Variants in ZNF254 observed in about 807,000 individuals in gnomAD.
ZNF254 encodes zinc finger protein 254.
ZNF254 carries 10 observed loss-of-function variants against 12.4 expected under a neutral mutation model. The observed-to-expected ratio is 0.80, with a 90% CI of 0.50 to 1.36. The LOEUF (loss-of-function observed/expected upper bound fraction) is 1.36, where lower values mean the gene tolerates loss of function less well. ZNF254 is among the 40% of genes most tolerant of loss of function. The pLI is 0.00. For synonymous variants in ZNF254, 305 were observed against 253.4 expected (o/e 1.20, Z -1.93); for missense variants, 996 against 763.9 (o/e 1.30, Z -3.58).
At chr19:24,091,377 C>T (rs1972375037) in intron 1 of ZNF254, among the ~76,000 whole-genome samples, 5 of 151,420 alleles carry the variant, frequency 3.3e-5, no homozygotes, top group Non-Finnish European at 1.5e-5. Flanking sequence ...TTCCACAAAA[C>T]AATGTGATAG....
intron 1 of ZNF254, among the ~76,000 whole-genome samples, chr19:24,103,360 C>T (rs913569808): frequency 1.3e-5 from 2 of 152,188 alleles, no homozygotes; most frequent in African/African-American, 2.4e-5. Flanking sequence ...CATTTCCAAA[C>T]CTGCAGAATC....
chr19:24,060,638 A>T (rs1404649117), intron 2 of ZNF254, among the ~76,000 whole-genome samples: 1 of 152,150 alleles, frequency 6.6e-6, no homozygotes, highest in Non-Finnish European at 1.5e-5. Flanking sequence ...AGAGTGACTT[A>T]TACTAGGATC....
At chr19:24,124,168 A>G (rs984977451) in intron 3 of ZNF254, among the ~76,000 whole-genome samples, 2 of 152,086 alleles carry the variant, frequency 1.3e-5, no homozygotes, top group Admixed American at 6.5e-5. Context: ...TGGGGATTAC[A>G]TATAACCTCT....
At chr19:24,120,826 C>A (rs1036007363) in intron 3 of ZNF254, among the ~76,000 whole-genome samples, 1 of 151,954 alleles carries the variant, frequency 6.6e-6, no homozygotes, top group African/African-American at 2.4e-5. Flanking sequence ...CCATGCCTGG[C>A]TAATTTTGTT....
intron 3 of ZNF254, among the ~76,000 whole-genome samples, chr19:24,121,326 C>T (rs1378072475): frequency 6.6e-6 from 1 of 151,710 alleles, no homozygotes; most frequent in African/African-American, 2.4e-5. Flanking sequence ...TTTTACATTC[C>T]ATGTTTTAAT....
chr19:24,084,566 A>ATAC, upstream of ZNF254, among the ~76,000 whole-genome samples: 1 of 152,222 alleles, frequency 6.6e-6, no homozygotes, highest in Admixed American at 6.5e-5. Flanking sequence ...AATAATAATA[A>ATAC]TAATAAACAA....
chr19:24,056,066 T>C (rs553372242), intron 2 of ZNF254, among the ~76,000 whole-genome samples: 143 of 152,122 alleles, frequency 9.4e-4, no homozygotes, highest in African/African-American at 3.3e-3. Flanking sequence ...TGAGGGGATG[T>C]GATTCTATTT....
chr19:24,065,943 T>C (rs1274376439), intron 2 of ZNF254: 8 of 152,142 alleles, frequency 5.3e-5, no homozygotes, highest in African/African-American at 1.9e-4. Flanking sequence ...TACTCTCTTC[T>C]CCTGCCTGAT....
chr19:24,038,251 G>A (rs1970036955), intron 1 of ZNF254, among the ~76,000 whole-genome samples: 2 of 152,064 alleles, frequency 1.3e-5, no homozygotes, highest in Non-Finnish European at 2.9e-5. Flanking sequence ...GCACAGTCCT[G>A]GTTCCAAGTT....
At chr19:24,108,207 C>G (rs1174999450) in intron 3 of ZNF254, among the ~76,000 whole-genome samples, 3 of 152,108 alleles carry the variant, frequency 2.0e-5, no homozygotes, top group Non-Finnish European at 2.9e-5. Context: ...CAGTAAAGGT[C>G]AAGGTCTGCA....
At chr19:24,121,287 T>C (rs1974464129) in intron 3 of ZNF254, among the ~76,000 whole-genome samples, 1 of 152,214 alleles carries the variant, frequency 6.6e-6, no homozygotes, top group South Asian at 2.1e-4. Flanking sequence ...TTAATGAATA[T>C]ATTGATCTAC....
intron 3 of ZNF254, among the ~76,000 whole-genome samples, chr19:24,116,316 G>A (rs10415748): frequency 0.14 from 21,815 of 152,004 alleles, 2,572 homozygotes; most frequent in African/African-American, 0.32. Context: ...CATTCTCTCC[G>A]TCACTTTCAG....
At chr19:24,086,712 T>C (rs1972053909), upstream of ZNF254, among the ~76,000 whole-genome samples, 2 of 152,026 alleles carry the variant, frequency 1.3e-5, no homozygotes, top group Admixed American at 1.3e-4. Context: ...CATGACCTAA[T>C]GTGATCCGCC....
chr19:24,048,003 C>CTTTTTTTTTTTTTTTTTTT lies in ZNF254; in HGVS notation c.-94+1729_-94+1747dup, dbSNP rs398034320. ...CACCCGGCTCTTTTTTTCTTTTCTT[C>CTTTTTTTTTTTTTTTTTTT]TTTTTTTTTTTTTTTTTTTTTTTGC... On this transcript the variant is annotated intron_variant, in intron 2 of 4. Coordinates refer to the ZNF254 transcript ENST00000613065. 1.7e-3 allele frequency among the ~76,000 whole-genome samples: 119 copies of CTTTTTTTTTTTTTTTTTTT among 68,806 alleles called. 6 individuals carry two copies. Among genetic ancestry groups the CTTTTTTTTTTTTTTTTTTT allele is most frequent in the African/African-American group, 2.1e-3 (34 of 16,272 alleles). 45.1% of individuals were successfully genotyped at this position (68,806 alleles called of 152,430 possible). A position where few individuals can be genotyped will look rare whatever the true frequency, so the allele number is the denominator to read the frequency against.
chr19:24,071,712 T>C (rs1291233425), intron 2 of ZNF254, among the ~76,000 whole-genome samples: 1 of 152,146 alleles, frequency 6.6e-6, no homozygotes, highest in Non-Finnish European at 1.5e-5. Flanking sequence ...ACATCTCTTC[T>C]AATGCTTGGG....
chr19:24,127,768 A>G lies in ZNF254; in HGVS notation c.1768A>G (p.Thr590Ala), dbSNP rs1041960936. Residue 590 changes from threonine (T) to alanine (A), a missense_variant, in exon 4 of 4, where the codon ACT becomes GCT. Thr to Ala is a moderately conservative substitution (Grantham distance 58). Transcript: ENST00000357002. ...ATCTTTTAACCGGTCTTCAACTTTT[A>G]CTAAACATAAGGTAATTCATACTGG... ...GKSFNRSSTF[T>A]KHKVIHTGVK... The G allele has an allele frequency of 6.2e-7, 1 of 1,612,478 alleles. No individual in the cohort carries two copies. Among genetic ancestry groups the G allele is most frequent in the Non-Finnish European group, 8.5e-7 (1 of 1,179,464 alleles).
intron 1 of ZNF254, among the ~76,000 whole-genome samples, chr19:24,094,139 C>T (rs575422162): frequency 1.6e-4 from 25 of 152,066 alleles, no homozygotes; most frequent in African/African-American, 6.0e-4. Flanking sequence ...AATGATACTG[C>T]AGTTGTTTGT....
chr19:24,060,211 C>T (rs1410129339), intron 2 of ZNF254, among the ~76,000 whole-genome samples: 1 of 152,158 alleles, frequency 6.6e-6, no homozygotes, highest in Non-Finnish European at 1.5e-5. Context: ...TTGTTACGTA[C>T]CTTTGTGCCA....
chr19:24,035,535 G>A lies in ZNF254; in HGVS notation c.-190+1914G>A, dbSNP rs538049532. Among the ~76,000 whole-genome samples, 33 of 152,250 alleles carry A rather than the reference G, an allele frequency of 2.2e-4. No homozygotes were observed. In the East Asian group the frequency reaches 3.9e-3, roughly 18 times the overall value. On this transcript the variant is annotated intron_variant, in intron 1 of 4. Transcript: ENST00000613065. ...TATAAAAATACAAAAAATTAGCCGG[G>A]CTTGGTGGCACGCTGTATTCCCAGC... is the stretch of plus-strand genomic sequence containing the variant.
Sources: allele counts gnomAD v4.1 joint callset (sites outside exome capture counted in the v4.1 genomes callset), GRCh38; gene constraint gnomAD v4.1.1; transcripts MANE v1.5; gene names NCBI Gene and HGNC (gene_info 2026-07-23, HGNC 2026-07-21).